SLC14A2: variants seen among roughly 807,000 people sequenced by gnomAD.
The protein encoded by SLC14A2 is urea transporter 2.
In SLC14A2, 91 loss-of-function variants were observed where a neutral mutation model predicts 104.6. The observed-to-expected ratio is 0.87, with a 90% CI of 0.73 to 1.04. The LOEUF (loss-of-function observed/expected upper bound fraction) is 1.04, where lower values mean the gene tolerates loss of function less well. Among genes scored for constraint, SLC14A2 ranks in the 50% least tolerant of loss-of-function variants. The pLI is 0.00. For synonymous variants in SLC14A2, 476 were observed against 466.4 expected, an observed-to-expected ratio of 1.02 and a Z score of -0.27; for missense variants, 1,189 against 1,156.0, an observed-to-expected ratio of 1.03 and a Z score of -0.41.
chr18:45,632,480 T>C lies in SLC14A2; in HGVS notation c.650+2T>C, dbSNP rs1274260201. The stretch of plus-strand genomic sequence containing the variant: ...TGTGACCTTCACAGCCATGTCCTGG[T>C]GAGGCACCTCATTTTTTCTGCTCAC... On this transcript the variant is annotated splice_donor_variant, in intron 5 of 19. Coordinates refer to ENST00000255226, the MANE Select transcript of SLC14A2 (RefSeq NM_007163.4). LOFTEE classifies it high-confidence loss of function. 1.2e-6 allele frequency: 2 copies of C among 1,613,128 alleles called. No individual in the cohort carries two copies. The highest frequency in any genetic ancestry group is 1.7e-6 in the Non-Finnish European group (2 of 1,179,672).
intron 2 of SLC14A2, among the ~76,000 whole-genome samples, chr18:45,541,638 C>A (rs1341886326): frequency 1.3e-5 from 2 of 152,202 alleles, no homozygotes; most frequent in Non-Finnish European, 2.9e-5. Context: ...GAGCTAATGA[C>A]TGACCTAAGA....
At chr18:45,624,444 G>T (rs2045227298) in intron 1 of SLC14A2, among the ~76,000 whole-genome samples, 187 bp from the exon 2 acceptor site, 1 of 152,166 alleles carries the variant, frequency 6.6e-6, no homozygotes, top group Non-Finnish European at 1.5e-5. Context: ...TCTGGACGCG[G>T]AAGAATGGGA....
At chr18:45,316,786 C>T (rs2085133738) in intron 1 of SLC14A2, among the ~76,000 whole-genome samples, 7 of 152,152 alleles carry the variant, frequency 4.6e-5, no homozygotes. Flanking sequence ...ACCTCCAGCT[C>T]CCAAACCTTT....
intron 1 of SLC14A2, among the ~76,000 whole-genome samples, chr18:45,430,731 A>G (rs2086501555): frequency 6.6e-6 from 1 of 152,086 alleles, no homozygotes; most frequent in Admixed American, 6.6e-5. Context: ...ACCCACCACC[A>G]TGCCTGGCTA....
intron 1 of SLC14A2, among the ~76,000 whole-genome samples, chr18:45,474,496 C>T (rs1378005200): frequency 6.6e-6 from 1 of 152,156 alleles, no homozygotes; most frequent in Non-Finnish European, 1.5e-5. Context: ...AGCTGTGAAT[C>T]CATCCGGTCC....
intron 15 of SLC14A2, among the ~76,000 whole-genome samples, chr18:45,668,912 G>A (rs944597144): frequency 6.6e-6 from 1 of 152,216 alleles, no homozygotes; most frequent in Non-Finnish European, 1.5e-5. Flanking sequence ...AGCCCTCAGT[G>A]CCTGCTCTAC....
intron 2 of SLC14A2, among the ~76,000 whole-genome samples, chr18:45,585,482 G>A (rs1304215278): frequency 6.6e-6 from 1 of 152,126 alleles, no homozygotes; most frequent in Non-Finnish European, 1.5e-5. Flanking sequence ...TGAATAAATG[G>A]GAACCATTCT....
chr18:45,386,551 G>T (rs1803411945), intron 1 of SLC14A2, among the ~76,000 whole-genome samples: 1 of 152,188 alleles, frequency 6.6e-6, no homozygotes, highest in South Asian at 2.1e-4. Flanking sequence ...ATCCCGAAAA[G>T]ATTTGCTTCC....
At chr18:45,368,793 G>A (rs867386699) in intron 1 of SLC14A2, among the ~76,000 whole-genome samples, 37 of 152,318 alleles carry the variant, frequency 2.4e-4, no homozygotes, top group African/African-American at 8.9e-4. Context: ...TCCTACCAGT[G>A]AGAAATTGGT....
intron 7 of SLC14A2, among the ~76,000 whole-genome samples, chr18:45,640,818 T>A (rs1315240292): frequency 6.6e-6 from 1 of 152,192 alleles, no homozygotes; most frequent in African/African-American, 2.4e-5. Context: ...CATAAGTGTA[T>A]AGGGATATTT....
intron 10 of SLC14A2, among the ~76,000 whole-genome samples, chr18:45,661,024 G>A (rs988753207): frequency 4.6e-5 from 7 of 152,118 alleles, no homozygotes; most frequent in African/African-American, 1.2e-4. Context: ...TCTTGGCCAT[G>A]TGAGAAAGGT....
chr18:45,491,495 A>T (rs964148487), intron 2 of SLC14A2, among the ~76,000 whole-genome samples: 4 of 152,246 alleles, frequency 2.6e-5, no homozygotes, highest in African/African-American at 9.6e-5. Context: ...CACAGAAAGG[A>T]TAAAAAGGGT....
At chr18:45,194,882 G>A in the SLC14A2 span, among the ~76,000 whole-genome samples, 1 of 151,926 alleles carries the variant, frequency 6.6e-6, no homozygotes. Flanking sequence ...CCGACCTCGT[G>A]ATCTGCCTGC....
intron 1 of SLC14A2, among the ~76,000 whole-genome samples, chr18:45,215,553 C>T (rs1416214149): frequency 6.6e-6 from 1 of 152,244 alleles, no homozygotes; most frequent in African/African-American, 2.4e-5. Context: ...TCAAGTCTGA[C>T]TCTGGAGAGG....
At chr18:45,199,444 C>T in the SLC14A2 span, among the ~76,000 whole-genome samples, 1 of 152,046 alleles carries the variant, frequency 6.6e-6, no homozygotes, top group East Asian at 1.9e-4. Flanking sequence ...TGTCTTCATC[C>T]TGGAAAATTT....
chr18:45,170,884 G>A, the SLC14A2 span, among the ~76,000 whole-genome samples: 8 of 152,292 alleles, frequency 5.3e-5, no homozygotes, highest in South Asian at 8.3e-4. Flanking sequence ...ATTACAAAAT[G>A]ATAAAAGGTG....
Position 45,538,052 on chromosome 18 carries a change from G to A in SLC14A2, c.-35+54730G>A, listed in dbSNP as rs183960210. On this transcript the variant is annotated intron_variant, in intron 2 of 20. Coordinates refer to the SLC14A2 transcript ENST00000586448. ...TCACACAGTTTCTGAGGTCAGGAAT[G>A]AGGGAGAAGCCTAGCTGGGTTTGCC... Among the ~76,000 whole-genome samples the A allele has an allele frequency of 8.5e-5, 13 of 152,332 alleles. No individual in the cohort carries two copies. The East Asian group carries it at 1.9e-3, about 23-fold the overall frequency.
At chr18:45,646,001 GAT>G (rs2045620954) in intron 10 of SLC14A2, among the ~76,000 whole-genome samples, 1 of 152,184 alleles carries the variant, frequency 6.6e-6, no homozygotes, top group African/African-American at 2.4e-5. Context: ...GGAAATGGAG[GAT>G]ACCCAGAAAA....
chr18:45,587,233 C>G (rs911760339), intron 2 of SLC14A2, among the ~76,000 whole-genome samples: 5 of 152,158 alleles, frequency 3.3e-5, no homozygotes. Flanking sequence ...CCTCGGCCTC[C>G]CACAGTGCTG....
Sources: allele counts gnomAD v4.1 joint callset (sites outside exome capture counted in the v4.1 genomes callset), GRCh38; gene constraint gnomAD v4.1.1; transcripts MANE v1.5; gene names NCBI Gene and HGNC (gene_info 2026-07-23, HGNC 2026-07-21).